Variants in MAML3 observed in about 807,000 individuals in gnomAD.
MAML3 encodes mastermind like transcriptional coactivator 3.
A neutral mutation model predicts 101.9 loss-of-function variants in MAML3; 27 were observed. The observed-to-expected ratio is 0.27, with a 90% CI of 0.20 to 0.37. The LOEUF is 0.37. Among genes scored for constraint, MAML3 ranks in the 10% least tolerant of loss-of-function variants. The probability of loss-of-function intolerance (pLI) is 1.00; values close to 1 mark genes in which losing one functional copy is unlikely to be tolerated. For missense variants in MAML3, 1,316 were observed against 1,444.9 expected, an observed-to-expected ratio of 0.91 and a Z score of 1.45; for synonymous variants, 501 against 555.9, an observed-to-expected ratio of 0.90 and a Z score of 1.39.
chr4:139,934,987 T>A (rs2110732098), intron 1 of MAML3, among the ~76,000 whole-genome samples: 1 of 152,172 alleles, frequency 6.6e-6, no homozygotes, highest in African/African-American at 2.4e-5. Context: ...TCCATGAGAG[T>A]GTAACCATGT....
chr4:140,122,463 C>A (rs1161369312), intron 1 of MAML3, among the ~76,000 whole-genome samples: 113 of 152,114 alleles, frequency 7.4e-4, no homozygotes, highest in Non-Finnish European at 1.9e-4. Context: ...CTCAAGTGAT[C>A]TGCCTGCCTT....
intron 1 of MAML3, among the ~76,000 whole-genome samples, chr4:139,958,129 C>T (rs375258521): frequency 1.3e-5 from 2 of 152,314 alleles, no homozygotes; most frequent in East Asian, 1.9e-4. Context: ...GACCCAGACA[C>T]AGTAGAGTCT....
At chr4:139,958,531 T>C (rs909195916) in intron 1 of MAML3, among the ~76,000 whole-genome samples, 2 of 152,136 alleles carry the variant, frequency 1.3e-5, no homozygotes, top group African/African-American at 2.4e-5. Flanking sequence ...AGAAGAGGAA[T>C]AGACTTCTGC....
intron 2 of MAML3, among the ~76,000 whole-genome samples, chr4:139,795,616 T>C (rs1273069627): frequency 6.6e-6 from 1 of 152,222 alleles, no homozygotes; most frequent in Non-Finnish European, 1.5e-5. Context: ...ACGGACTCCA[T>C]TCTTTTCTCC....
intron 2 of MAML3, among the ~76,000 whole-genome samples, chr4:139,757,034 C>A (rs966060949): frequency 4.6e-5 from 7 of 152,142 alleles, no homozygotes; most frequent in Admixed American, 2.6e-4. Flanking sequence ...CAGACTCATG[C>A]CTCTGTGTTC....
intron 1 of MAML3, among the ~76,000 whole-genome samples, chr4:139,940,055 C>T (rs572858768): frequency 2.6e-5 from 4 of 152,216 alleles, no homozygotes; most frequent in Admixed American, 6.5e-5. Context: ...TGAGCCACCG[C>T]GTCCAGCCCA....
intron 1 of MAML3, among the ~76,000 whole-genome samples, chr4:140,071,279 T>C (rs1727647594): frequency 6.6e-6 from 1 of 152,210 alleles, no homozygotes. Flanking sequence ...GAGAGCTGCA[T>C]GGCTGCCCAG....
At chr4:139,871,108 A>G (rs956152011) in intron 2 of MAML3, among the ~76,000 whole-genome samples, 1 of 152,072 alleles carries the variant, frequency 6.6e-6, no homozygotes, top group Admixed American at 6.5e-5. Context: ...TCATTTTTTC[A>G]TGGTCATTAG....
At chr4:139,912,978 G>A (rs1036339926) in intron 1 of MAML3, among the ~76,000 whole-genome samples, 2 of 152,212 alleles carry the variant, frequency 1.3e-5, no homozygotes, top group African/African-American at 4.8e-5. Flanking sequence ...AGTAGGACAA[G>A]GTCATCCTAT....
chr4:139,828,712 CTTTTTTTTT>C (rs996757226), intron 2 of MAML3, among the ~76,000 whole-genome samples: 3 of 128,704 alleles, frequency 2.3e-5, no homozygotes, highest in Non-Finnish European at 3.3e-5. Context: ...AGATGCACTT[CTTTTTTTTT>C]TTTTTTTTTT....
At chr4:139,930,833 C>T (rs1416681840) in intron 1 of MAML3, among the ~76,000 whole-genome samples, 4 of 151,976 alleles carry the variant, frequency 2.6e-5, no homozygotes, top group African/African-American at 9.7e-5. Flanking sequence ...CTTATGTTAC[C>T]AACTGATTTC....
chr4:140,043,442 C>T (rs1727120862), intron 1 of MAML3, among the ~76,000 whole-genome samples: 1 of 152,144 alleles, frequency 6.6e-6, no homozygotes, highest in Non-Finnish European at 1.5e-5. Flanking sequence ...GTAGCATTTT[C>T]CAAGCAGTCA....
chr4:140,105,096 G>C (rs2111002951), intron 1 of MAML3, among the ~76,000 whole-genome samples: 1 of 152,144 alleles, frequency 6.6e-6, no homozygotes, highest in East Asian at 1.9e-4. Context: ...TCCTTATCCT[G>C]AAACTCCCTG....
chr4:139,882,586 C>T (rs780411650), intron 2 of MAML3, among the ~76,000 whole-genome samples: 5 of 152,180 alleles, frequency 3.3e-5, no homozygotes, highest in Non-Finnish European at 7.3e-5. Context: ...CAGTGGCTCA[C>T]GTCTGTAATC....
intron 1 of MAML3, among the ~76,000 whole-genome samples, chr4:140,023,099 T>C (rs1371089665): frequency 1.3e-5 from 2 of 152,316 alleles, no homozygotes; most frequent in South Asian, 2.1e-4. Context: ...ACCCAGGTTT[T>C]CCCAAGCCTT....
At chr4:139,983,481 C>G (rs922852662) in intron 1 of MAML3, among the ~76,000 whole-genome samples, 1 of 152,106 alleles carries the variant, frequency 6.6e-6, no homozygotes, top group Non-Finnish European at 1.5e-5. Flanking sequence ...ATCTCTTATC[C>G]AAAAGGCTTG....
chr4:139,732,638 T>TA (rs201209625), intron 2 of MAML3, among the ~76,000 whole-genome samples: 5 of 148,940 alleles, frequency 3.4e-5, no homozygotes, highest in African/African-American at 1.2e-4. Flanking sequence ...AACTTAAAAT[T>TA]AAAAAAAAAA....
chr4:139,997,615 A>C lies in MAML3; in HGVS notation c.469-106648T>G, dbSNP rs376681389. On this transcript the variant is annotated intron_variant, in intron 1 of 4. Transcript: ENST00000509479. The stretch of plus-strand genomic sequence containing the variant: ...TAAATATAATTATATAGTCACTTAT[A>C]TGAACCCACATATTTGCCATTTTCA... 2.4e-4 allele frequency among the ~76,000 whole-genome samples: 36 copies of C among 152,268 alleles called. No individual in the cohort carries two copies. In the East Asian group the frequency reaches 6.9e-3, roughly 29 times the overall value.
At chr4:139,837,449 G>A (rs1731275155) in intron 2 of MAML3, among the ~76,000 whole-genome samples, 1 of 152,036 alleles carries the variant, frequency 6.6e-6, no homozygotes, top group Non-Finnish European at 1.5e-5. Flanking sequence ...AGTGAGCTGA[G>A]ATCATGCCAC....
Sources: gnomAD v4.1 joint callset for allele counts (sites outside exome capture counted in the v4.1 genomes callset) on GRCh38, gnomAD v4.1.1 for gene constraint, MANE v1.5 for transcripts, NCBI Gene and HGNC (gene_info 2026-07-23, HGNC 2026-07-21) for gene names.